Variants in IMPA2 observed in about 807,000 individuals in gnomAD.
IMPA2 encodes the protein inositol monophosphatase 2.
Under a neutral mutation model 35.1 loss-of-function variants are expected in IMPA2, and 32 were observed. That is an observed-to-expected ratio of 0.91 (90% CI 0.69 to 1.23). The LOEUF is 1.23. Ranked by LOEUF, IMPA2 falls within the 50% of genes most tolerant of loss-of-function variation. The pLI is 0.00. For synonymous variants in IMPA2, 135 were observed against 160.6 expected (o/e 0.84, Z 1.20); for missense variants, 334 against 387.6 (o/e 0.86, Z 1.16).
In IMPA2 at chr18:12,010,059, A is replaced by G; in HGVS notation, c.335+72A>G. 1.7e-6 allele frequency: 2 copies of G among 1,198,576 alleles called. No individual in the cohort carries two copies. The highest frequency in any genetic ancestry group is 1.2e-6 in the Non-Finnish European group (1 of 812,744). 74.2% of individuals were successfully genotyped at this position (1,198,576 alleles called of 1,614,324 possible). ...CTTCTGTGAGGTTTTGTCTTTTCAA[A>G]AGCAGCATTTTTTAAGGCAGGAATA... is the stretch of plus-strand genomic sequence containing the variant. On this transcript the variant is annotated intron_variant, in intron 3 of 7. Transcript: ENST00000269159. The surrounding 1 kb of genome is among the most constrained non-coding windows in gnomAD (Gnocchi z 4.8).
Position 12,010,285 on chromosome 18 carries a change from A to C in IMPA2, c.335+298A>C. 2 of 287,996 alleles carry C rather than the reference A, an allele frequency of 6.9e-6. No homozygotes were observed. The highest frequency in any genetic ancestry group is 1.3e-5 in the Non-Finnish European group (2 of 152,900). 17.8% of individuals were successfully genotyped at this position (287,996 alleles called of 1,614,324 possible). A position where few individuals can be genotyped will look rare whatever the true frequency, so the allele number is the denominator to read the frequency against. ...CTTGAAGGAGTCTGACTCCCCTCAC[A>C]CCCCACCCCCACTGGAGAAAAAGGT... On this transcript the variant is annotated intron_variant, in intron 3 of 7. Transcript: ENST00000269159. This position sits in a 1 kb window ranked among gnomAD's most constrained non-coding sequence, Gnocchi z 4.8.
At chr18:12,012,508 G>A (rs923499011) in intron 4 of IMPA2, among the ~76,000 whole-genome samples, 4 of 152,194 alleles carry the variant, frequency 2.6e-5, no homozygotes, top group African/African-American at 7.2e-5. Context: ...TTAAGTGAAC[G>A]GTCCAAGTGC....
Position 11,999,146 on chromosome 18 carries a change from T to C in IMPA2, c.189T>C (p.Asp63=). 1.2e-6 allele frequency: 2 copies of C among 1,613,760 alleles called. No individual in the cohort carries two copies. Among genetic ancestry groups the C allele is most frequent in the South Asian group, 1.1e-5 (1 of 91,040 alleles). ...CAGAAACAGATCACCTTGTGGAAGA[T>C]TTAATTATTTCTGAGTTGCGAGAGA... ...LVTETDHLVE[D]LIISELRERF... Residue 63 remains aspartate (D), a synonymous_variant, in exon 2 of 8, where the codon GAT becomes GAC. Transcript: ENST00000269159.
chr18:12,028,375 A>C, intron 6 of IMPA2: 2 of 552,660 alleles, frequency 3.6e-6, no homozygotes, highest in South Asian at 5.0e-5. Flanking sequence ...GCTTCTGATC[A>C]GAATCCATGG....
intron 5 of IMPA2, among the ~76,000 whole-genome samples, chr18:12,019,889 T>C (rs1907681809): frequency 6.6e-6 from 1 of 152,112 alleles, no homozygotes; most frequent in South Asian, 2.1e-4. Context: ...AAAATATATA[T>C]ATTTTTGAGA....
At chr18:11,982,593 G>C (rs962124331) in intron 1 of IMPA2, among the ~76,000 whole-genome samples, 2 of 152,106 alleles carry the variant, frequency 1.3e-5, no homozygotes, top group Non-Finnish European at 2.9e-5. Flanking sequence ...TCAGGAGTTC[G>C]AGACCAGCCT....
intron 2 of IMPA2, among the ~76,000 whole-genome samples, chr18:12,005,759 A>T (rs1598693934): frequency 6.6e-6 from 1 of 152,254 alleles, no homozygotes; most frequent in Non-Finnish European, 1.5e-5. Flanking sequence ...CTGCAGCGTG[A>T]GTTGTCCTGG....
chr18:12,021,390 G>GA (rs1467232925), intron 5 of IMPA2, among the ~76,000 whole-genome samples: 9 of 149,866 alleles, frequency 6.0e-5, no homozygotes, highest in Non-Finnish European at 1.3e-4. Context: ...CCCTGTCTCA[G>GA]AAAAAACCTC....
At chr18:12,004,257 G>A (rs1220572374) in intron 2 of IMPA2, among the ~76,000 whole-genome samples, 1 of 151,478 alleles carries the variant, frequency 6.6e-6, no homozygotes, top group Admixed American at 6.6e-5. Context: ...AGACTAAACA[G>A]ACTAAGTAGC....
chr18:12,023,579 C>T (rs1256119473), intron 5 of IMPA2, among the ~76,000 whole-genome samples: 2 of 152,344 alleles, frequency 1.3e-5, no homozygotes, highest in East Asian at 1.9e-4. Context: ...CCTCCACCCA[C>T]CCGCCCTGTG....
chr18:11,996,731 C>G (rs569222123), intron 1 of IMPA2, among the ~76,000 whole-genome samples: 2 of 152,288 alleles, frequency 1.3e-5, no homozygotes, highest in Admixed American at 1.3e-4. Context: ...GCAGCACAGT[C>G]TGCCCTTCCT....
At chr18:12,016,682 G>A (rs565251385) in intron 5 of IMPA2, among the ~76,000 whole-genome samples, 141 of 152,206 alleles carry the variant, frequency 9.3e-4, no homozygotes, top group African/African-American at 3.3e-3. Context: ...GCCTCCCAGA[G>A]TGTTGGGCTT....
At chr18:12,012,713 T>A (rs746424946) in intron 4 of IMPA2, among the ~76,000 whole-genome samples, 1 of 152,176 alleles carries the variant, frequency 6.6e-6, no homozygotes, top group Non-Finnish European at 1.5e-5. Flanking sequence ...ATGGAAGGCG[T>A]GGGGCTGAGG....
Position 12,030,363 on chromosome 18 carries a change from G to T in IMPA2, c.772G>T (p.Ala258Ser). Residue 258 changes from alanine (A) to serine (S), a missense_variant, in exon 8 of 8, where the codon GCT (alanine) becomes TCT (serine). Coordinates refer to ENST00000269159, the MANE Select transcript of IMPA2 (RefSeq NM_014214.3). ...CCCAGGTGGACCCCTCGACCTCATGGCTTGCAGAGTGGTTGCGGCCAGCAC... is the reference window on the plus strand; with the variant it reads ...CCCAGGTGGACCCCTCGACCTCATGTCTTGCAGAGTGGTTGCGGCCAGCAC... ...DTSGGPLDLM[A>S]CRVVAASTRE... 6.2e-7 allele frequency: 1 copy of T among 1,614,252 alleles called. No homozygotes were observed. Among genetic ancestry groups the T allele is most frequent in the Non-Finnish European group, 8.5e-7 (1 of 1,180,042 alleles).
At chr18:12,029,857 C>T (rs530349672) in intron 7 of IMPA2, among the ~76,000 whole-genome samples, 313 of 152,324 alleles carry the variant, frequency 2.1e-3, no homozygotes, top group African/African-American at 6.9e-3. Context: ...AAGGCTTTAT[C>T]ATCTTGCCCG....
At position 12,009,997 on chromosome 18, in the gene IMPA2, G is replaced by T; in HGVS notation, c.335+10G>T. On this transcript the variant is annotated intron_variant, in intron 3 of 7. Transcript: ENST00000269159. ...GCAATTTTGTGCACAGGTGAGCTGAGCAGGGATCGCCTCCATTGCAGGGCT... is the reference window on the plus strand; with the variant it reads ...GCAATTTTGTGCACAGGTGAGCTGATCAGGGATCGCCTCCATTGCAGGGCT... The T allele has an allele frequency of 1.2e-6, 2 of 1,603,374 alleles. No individual in the cohort carries two copies.
chr18:12,002,149 G>C (rs1042007274), intron 2 of IMPA2, among the ~76,000 whole-genome samples: 17 of 152,282 alleles, frequency 1.1e-4, no homozygotes, highest in African/African-American at 4.1e-4. Context: ...TGATAAATTT[G>C]TGATGAGAGA....
At chr18:12,029,108 GTTTTTTTTTTTTTTT>G (rs1158665365) in intron 7 of IMPA2, 115 bp downstream of exon 7, 3 of 267,314 alleles carry the variant, frequency 1.1e-5, no homozygotes, top group Admixed American at 8.3e-5. Flanking sequence ...CAGAGTTTCT[GTTTTTTTTTTTTTTT>G]TTTTTTTTTT....
intron 1 of IMPA2, among the ~76,000 whole-genome samples, chr18:11,989,587 C>G (rs1906757243): frequency 6.6e-6 from 1 of 152,182 alleles, no homozygotes; most frequent in Admixed American, 6.5e-5. Context: ...TGAGAGGTCC[C>G]TATCATTTCC....
Sources: gnomAD v4.1 joint callset for allele counts (sites outside exome capture counted in the v4.1 genomes callset) on GRCh38, gnomAD v4.1.1 for gene constraint, Gnocchi (gnomAD v3.1) non-coding constraint, MANE v1.5 for transcripts, NCBI Gene and HGNC (gene_info 2026-07-23, HGNC 2026-07-21) for gene names.